FN1: variants seen among roughly 807,000 people sequenced by gnomAD.
The protein encoded by FN1 is fibronectin 1, also known as fibronectin.
Under a neutral mutation model 297.3 loss-of-function variants are expected in FN1, and 106 were observed. The observed-to-expected ratio is 0.36, with a 90% CI of 0.30 to 0.42. The LOEUF (loss-of-function observed/expected upper bound fraction) is 0.42. Ranked by LOEUF, FN1 falls within the 10% of genes least tolerant of loss-of-function variation. The probability of loss-of-function intolerance (pLI) is 1.00; values close to 1 mark genes in which losing one functional copy is unlikely to be tolerated. For synonymous variants in FN1, 1,149 were observed against 1,152.6 expected (o/e 1.00, Z 0.06); for missense variants, 2,690 against 3,124.9 (o/e 0.86, Z 3.32).
intron 44 of FN1, chr2:215,364,359 T>A (rs2054116675): frequency 1.1e-5 from 2 of 183,360 alleles, no homozygotes; most frequent in East Asian, 1.4e-4. Flanking sequence ...CAGAATGGAG[T>A]TGGAGGCCTA....
At chr2:215,432,783 A>G (rs2066755517) in intron 3 of FN1, among the ~76,000 whole-genome samples, 1 of 152,344 alleles carries the variant, frequency 6.6e-6, no homozygotes, top group South Asian at 2.1e-4. Flanking sequence ...TATTGGGTTA[A>G]TAATTTTGTA....
intron 30 of FN1, among the ~76,000 whole-genome samples, chr2:215,383,780 T>C (rs924884940): frequency 9.9e-5 from 15 of 152,248 alleles, no homozygotes; most frequent in Admixed American, 9.8e-4. Context: ...GAACACTCTC[T>C]ATGCCTGTCG....
intron 42 of FN1, 63 bp downstream of exon 42, chr2:215,367,800 T>G: frequency 1.3e-6 from 2 of 1,520,730 alleles, no homozygotes; most frequent in Non-Finnish European, 1.8e-6. Flanking sequence ...CCTTGGCACA[T>G]GAGTGCATGC....
intron 4 of FN1, 101 bp from the exon 5 acceptor site, chr2:215,430,953 C>A (rs536207944): frequency 1.5e-6 from 2 of 1,308,474 alleles, no homozygotes; most frequent in Admixed American, 3.8e-5. Flanking sequence ...AATTCAGCCA[C>A]ATTTTTTTTA....
Position 215,380,863 on chromosome 2 carries a change from A to G in FN1, c.5382T>C (p.Val1794=). ...GGCTCTCCATATCATCGTGCAAGGC[A>G]ACCACACTGACTGTGTACTCAGAAC... ...RPGSEYTVSV[V]ALHDDMESQP... is the part of the protein sequence containing the mutation. The change falls in exon 33 of 46, where the codon GTT becomes GTC. Residue 1794 remains valine, a synonymous_variant. Transcript: ENST00000354785. The G allele has an allele frequency of 6.2e-7, 1 of 1,614,114 alleles. No individual in the cohort carries two copies. The highest frequency in any genetic ancestry group is 8.5e-7 in the Non-Finnish European group (1 of 1,180,030).
chr2:215,373,530 T>C, intron 38 of FN1, 119 bp from the exon 39 acceptor site: 1 of 805,244 alleles, frequency 1.2e-6, no homozygotes, highest in East Asian at 2.5e-5. Context: ...GCTGTTGGCC[T>C]CTTGAAGGTA....
chr2:215,411,916 C>CT (rs2062702665), intron 13 of FN1, among the ~76,000 whole-genome samples: 1 of 152,168 alleles, frequency 6.6e-6, no homozygotes, highest in Admixed American at 6.5e-5. Context: ...ATCCGCCCAC[C>CT]TTGGCCTCCC....
rs915920925 is a variant in FN1 at position 215,368,002 on chromosome 2, C to T, written c.6879G>A (p.Thr2293=). The T allele has an allele frequency of 8.1e-6, 13 of 1,614,048 alleles. No homozygotes were observed. Among genetic ancestry groups the T allele is most frequent in the African/African-American group, 6.7e-5 (5 of 75,014 alleles). ...NSVNEGLNQP[T]DDSCFDPYTV... ...TGTAGGGGTCAAAGCACGAGTCATC[C>T]GTAGGTTGGTTCAAGCCTTCGTTGA... The change falls in exon 42 of 46, where the codon ACG becomes ACA. Residue 2293 remains threonine, a synonymous_variant. Coordinates refer to ENST00000354785, the MANE Select transcript of FN1 (RefSeq NM_212482.4).
chr2:215,418,618 C>CT (rs2063759551), intron 12 of FN1, among the ~76,000 whole-genome samples: 2 of 152,206 alleles, frequency 1.3e-5, no homozygotes, highest in Admixed American at 1.3e-4. Context: ...ATTTTCCCCC[C>CT]AAATGAACTA....
chr2:215,393,135 G>T lies in FN1; in HGVS notation c.3865C>A (p.Pro1289Thr), dbSNP rs772118664. The T allele has an allele frequency of 6.2e-7, 1 of 1,614,016 alleles. No homozygotes were observed. The highest frequency in any genetic ancestry group is 2.2e-5 in the East Asian group (1 of 44,876). Residue 1289 changes from proline to threonine, a missense_variant, in exon 25 of 46, where the codon CCG becomes ACG. Around this residue, in one of 3 missense-constraint regions of FN1, gnomAD observed 1,743 missense variants for 1,945.2 expected, o/e 0.90. Coordinates refer to ENST00000354785, the MANE Select transcript of FN1 (RefSeq NM_212482.4). ...TDSSIGLRWT[P>T]LNSSTIIGYR... The stretch of plus-strand genomic sequence containing the variant: ...CCAATAATGGTGGAAGAGTTTAGCG[G>T]GGTCCACCTCAGGCCGATGCTTGAA...
chr2:215,386,076 C>CTTTTTTTT lies in FN1; in HGVS notation c.4612+605_4612+612dup, dbSNP rs571159227. On this transcript the variant is annotated intron_variant, in intron 28 of 45. Coordinates refer to ENST00000354785, the MANE Select transcript of FN1 (RefSeq NM_212482.4). ...CAAGCGTGAGCCATTGCGCCTGGCC[C>CTTTTTTTT]TTTTTTTTTTTTTTTTTTTGAGACA... 6.8e-3 allele frequency among the ~76,000 whole-genome samples: 747 copies of CTTTTTTTT among 109,372 alleles called. 53 individuals are homozygous for CTTTTTTTT. The East Asian group carries it at 0.074, about 11-fold the overall frequency. 71.8% of individuals were successfully genotyped at this position (109,372 alleles called of 152,430 possible).
intron 44 of FN1, among the ~76,000 whole-genome samples, chr2:215,364,119 C>T (rs13427569): frequency 6.6e-6 from 1 of 152,212 alleles, no homozygotes; most frequent in Non-Finnish European, 1.5e-5. Flanking sequence ...CCACTTAGAA[C>T]TTAATTAGCT....
At chr2:215,377,487 C>T (rs2057510148) in intron 35 of FN1, among the ~76,000 whole-genome samples, 1 of 152,132 alleles carries the variant, frequency 6.6e-6, no homozygotes, top group Middle Eastern at 3.4e-3. Flanking sequence ...CTCTCTCTCT[C>T]GGTCTTGCTT....
Position 215,373,394 on chromosome 2 carries a change from C to T in FN1, c.6175G>A (p.Glu2059Lys), listed in dbSNP as rs767081660. The change falls in exon 39 of 46, where the codon GAA becomes AAA. Residue 2059 changes from glutamate (E) to lysine (K), a missense_variant. By Grantham distance (56) the Glu-to-Lys change is moderately conservative. This residue lies in a region of FN1 where 1,743 missense variants were observed against 1,945.2 expected (regional missense o/e 0.90). Transcript: ENST00000354785. ...AGGGCAATGACATAAATTGTATATTCGGTTCCCGGTTCCAGGCCTGAAGGG... is the reference window on the plus strand; with the variant it reads ...AGGGCAATGACATAAATTGTATATTTGGTTCCCGGTTCCAGGCCTGAAGGG... ...ATITGLEPGT[E>K]YTIYVIALKN... The T allele has an allele frequency of 1.1e-5, 18 of 1,612,668 alleles. No individual in the cohort carries two copies. The highest frequency in any genetic ancestry group is 1.1e-4 in the African/African-American group (8 of 74,838).
chr2:215,404,284 T>A (rs1575594530), intron 20 of FN1, 105 bp downstream of exon 20: 1 of 1,188,078 alleles, frequency 8.4e-7, no homozygotes, highest in South Asian at 1.3e-5. Context: ...TTAAATTATG[T>A]ACTAATTTTT....
intron 42 of FN1, among the ~76,000 whole-genome samples, chr2:215,365,966 A>AT (rs559516647): frequency 0.23 from 21,200 of 90,304 alleles, 2,844 homozygotes; most frequent in Non-Finnish European, 0.26. Flanking sequence ...CCACAGTGCT[A>AT]TTTTTTTTTT....
rs770824583 is a variant in FN1 at position 215,391,696 on chromosome 2, C to G, written c.4188G>C (p.Val1396=). Residue 1396 remains valine, a synonymous_variant, in exon 26 of 46, where the codon GTG becomes GTC. Coordinates refer to ENST00000354785, the MANE Select transcript of FN1 (RefSeq NM_212482.4). ...ACTCTGCAACATCTTCCTCATTTTT[C>G]ACAGGTGAGTAACGCACCAGGAAGT... ...LTNFLVRYSP[V]KNEEDVAELS... is the part of the protein sequence containing the mutation. The G allele has an allele frequency of 6.2e-7, 1 of 1,614,112 alleles. No individual in the cohort carries two copies. The highest frequency in any genetic ancestry group is 1.1e-5 in the South Asian group (1 of 91,082).
At chr2:215,391,357 G>A (rs565649872) in intron 26 of FN1, among the ~76,000 whole-genome samples, 2 of 152,156 alleles carry the variant, frequency 1.3e-5, no homozygotes, top group South Asian at 4.1e-4. Flanking sequence ...ATTTTTACGT[G>A]CTTATTTAGA....
rs2067021264 is a variant in FN1, at chr2:215,434,098, C to CTTTGTTTG, written c.277+597_277+598insCAAACAAA. Among the ~76,000 whole-genome samples, 20 of 152,254 alleles carry CTTTGTTTG rather than the reference C, an allele frequency of 1.3e-4. No individual in the cohort carries two copies. In the South Asian group the frequency reaches 3.9e-3, roughly 30 times the overall value. On this transcript the variant is annotated intron_variant, in intron 2 of 45. Coordinates refer to ENST00000354785, the MANE Select transcript of FN1 (RefSeq NM_212482.4). ...GCCTGGTGACAGAGCAAGACTCTGTCTCAAAAACAAAACAAAACAAAAACA... is the reference window on the plus strand; with the variant it reads ...GCCTGGTGACAGAGCAAGACTCTGTCTTTGTTTGTCAAAAACAAAACAAAACAAAAACA...
Sources: gnomAD v4.1 joint callset for allele counts (sites outside exome capture counted in the v4.1 genomes callset) on GRCh38, gnomAD v4.1.1 for gene constraint, gnomAD v4.1.1 regional missense constraint, MANE v1.5 for transcripts, NCBI Gene and HGNC (gene_info 2026-07-23, HGNC 2026-07-21) for gene names.